CRTAC1: variants seen among roughly 807,000 people sequenced by gnomAD.
CRTAC1 encodes acidic secreted protein in cartilage.
In CRTAC1, 37 loss-of-function variants were observed where a neutral mutation model predicts 67.8. The observed-to-expected ratio is 0.55, with a 90% confidence interval of 0.42 to 0.72. The LOEUF is 0.72. Among genes scored for constraint, CRTAC1 ranks in the 30% least tolerant of loss-of-function variants. CRTAC1 has a pLI of 0.00. For synonymous variants in CRTAC1, 348 were observed against 371.0 expected (o/e 0.94, Z 0.71); for missense variants, 780 against 931.6 (o/e 0.84, Z 2.12).
intron 11 of CRTAC1, 200 bp from the exon 12 acceptor site, chr10:97,884,551 A>C: frequency 5.0e-6 from 3 of 596,562 alleles, no homozygotes; most frequent in Non-Finnish European, 8.9e-6. Context: ...TCTGTCTGCA[A>C]GGACAGAAAT....
intron 12 of CRTAC1, among the ~76,000 whole-genome samples, chr10:97,883,730 G>C (rs945867934): frequency 3.3e-5 from 5 of 152,202 alleles, no homozygotes; most frequent in Non-Finnish European, 7.3e-5. Context: ...ATCAGAGTTG[G>C]AACGACACTG....
rs1404086051 is a variant in CRTAC1 at position 97,895,405 on chromosome 10, G to C, written c.1326C>G (p.Asn442Lys). The change falls in exon 11 of 15, where the codon AAC (asparagine) becomes AAG (lysine). Residue 442 changes from asparagine to lysine, a missense_variant. Asn to Lys is a moderately conservative substitution (Grantham distance 94). Transcript: ENST00000370597. This position sits in a 1 kb window ranked among gnomAD's most constrained non-coding sequence, Gnocchi z 4.2. ...GTGGCACCACTCGCAGCCAGTTGTT[G>C]TTGAAGCCCTGCAGAGAGGGTGAGA... ...LSVFRGNQGF[N>K]NNWLRVVPRT... 1.2e-6 allele frequency: 2 copies of C among 1,603,678 alleles called. No individual in the cohort carries two copies. Among genetic ancestry groups the C allele is most frequent in the East Asian group, 4.5e-5 (2 of 44,668 alleles).
chr10:97,972,245 G>A (rs1438311059), intron 2 of CRTAC1, among the ~76,000 whole-genome samples: 1 of 152,192 alleles, frequency 6.6e-6, no homozygotes, highest in Non-Finnish European at 1.5e-5. Context: ...AGTCAGGAGG[G>A]CAGTCCTCTG....
At chr10:97,956,340 A>G (rs1334931137) in intron 2 of CRTAC1, among the ~76,000 whole-genome samples, 1 of 152,196 alleles carries the variant, frequency 6.6e-6, no homozygotes, top group Non-Finnish European at 1.5e-5. Flanking sequence ...TAAGAGCTCA[A>G]GTGACTTCCC....
intron 11 of CRTAC1, among the ~76,000 whole-genome samples, chr10:97,894,890 G>A (rs1302773624): frequency 6.6e-6 from 1 of 150,686 alleles, no homozygotes; most frequent in Non-Finnish European, 1.5e-5. Context: ...CAGCTCCCAA[G>A]AGGCCAGGGA....
intron 1 of CRTAC1, among the ~76,000 whole-genome samples, chr10:98,014,082 G>A (rs1428224053): frequency 6.6e-6 from 1 of 152,208 alleles, no homozygotes; most frequent in Non-Finnish European, 1.5e-5. Flanking sequence ...TTGGGCAATG[G>A]TTACGGTGAG....
rs17108821 is a variant in CRTAC1, at chr10:98,012,995, G to A, written c.25-1658C>T. The stretch of plus-strand genomic sequence containing the variant: ...TGGCAGGAACTTTGATTGGATAAAG[G>A]AAACTCATAATTGGATTAATGAGCA... On this transcript the variant is annotated intron_variant, in intron 1 of 14. Coordinates refer to ENST00000370597, the MANE Select transcript of CRTAC1 (RefSeq NM_018058.7). 4.1e-3 allele frequency among the ~76,000 whole-genome samples: 622 copies of A among 152,332 alleles called. 30 individuals carry two copies. The East Asian group carries it at 0.098, about 24-fold the overall frequency.
chr10:97,996,258 C>G lies in CRTAC1; in HGVS notation c.224+14880G>C, dbSNP rs376745291. Among the ~76,000 whole-genome samples the G allele has an allele frequency of 3.2e-4, 49 of 151,698 alleles. 1 individual carries two copies. The South Asian group carries it at 0.01, about 32-fold the overall frequency. On this transcript the variant is annotated intron_variant, in intron 2 of 14. Coordinates refer to ENST00000370597, the MANE Select transcript of CRTAC1 (RefSeq NM_018058.7). ...GGGATCTAATTAAACTCAAGAGCTTCTGCACAGCAAAAGAAACTACCATCA... is the reference window on the plus strand; with the variant it reads ...GGGATCTAATTAAACTCAAGAGCTTGTGCACAGCAAAAGAAACTACCATCA...
chr10:98,011,051 A>C, intron 2 of CRTAC1, 87 bp downstream of exon 2: 1 of 1,146,190 alleles, frequency 8.7e-7, no homozygotes, highest in Admixed American at 1.8e-5. Context: ...ATGTTGTTGC[A>C]AGTCACTGGG....
intron 3 of CRTAC1, among the ~76,000 whole-genome samples, chr10:97,929,710 T>C (rs1296470212): frequency 1.3e-5 from 2 of 152,180 alleles, no homozygotes; most frequent in Non-Finnish European, 2.9e-5. Flanking sequence ...AATTAGATAA[T>C]GTATGTAAAG....
At chr10:98,023,703 G>T (rs1843167558) in intron 1 of CRTAC1, among the ~76,000 whole-genome samples, 1 of 152,192 alleles carries the variant, frequency 6.6e-6, no homozygotes, top group African/African-American at 2.4e-5. Flanking sequence ...CTGCCACCCA[G>T]CTCCTCTGAT....
chr10:97,944,707 G>A (rs1342428333), intron 2 of CRTAC1, among the ~76,000 whole-genome samples: 2 of 152,208 alleles, frequency 1.3e-5, no homozygotes, highest in Non-Finnish European at 2.9e-5. Flanking sequence ...GACGGTGGAA[G>A]TGATGTTGGA....
rs527874048 is a variant in CRTAC1, at chr10:97,963,863, C to T, written c.225-27497G>A. Among the ~76,000 whole-genome samples the T allele has an allele frequency of 6.6e-5, 10 of 152,320 alleles. No individual in the cohort carries two copies. The South Asian group carries it at 1.2e-3, about 19-fold the overall frequency. Reference sequence around the variant, plus strand: ...CCTTTTACAGAAGAAGAAATTGAGGCTCGGAGAGGTTGTGTAACTTGTGTA... The same window carrying T: ...CCTTTTACAGAAGAAGAAATTGAGGTTCGGAGAGGTTGTGTAACTTGTGTA... On this transcript the variant is annotated intron_variant, in intron 2 of 14. Transcript: ENST00000370597.
At chr10:97,991,778 A>G (rs1396350166) in intron 2 of CRTAC1, among the ~76,000 whole-genome samples, 2 of 152,160 alleles carry the variant, frequency 1.3e-5, no homozygotes, top group Non-Finnish European at 2.9e-5. Context: ...TCTTCTTTTT[A>G]CTTCCTGGTT....
At chr10:97,915,540 G>A (rs2050746520) in intron 5 of CRTAC1, among the ~76,000 whole-genome samples, 1 of 152,150 alleles carries the variant, frequency 6.6e-6, no homozygotes, top group East Asian at 1.9e-4. Flanking sequence ...CAGTGGTGCT[G>A]AGCGCTGGCC....
intron 2 of CRTAC1, among the ~76,000 whole-genome samples, chr10:97,968,713 C>T (rs538507786): frequency 6.8e-4 from 103 of 152,298 alleles, no homozygotes; most frequent in African/African-American, 2.4e-3. Flanking sequence ...GATGGCCACC[C>T]TACTGCAGGA....
At chr10:97,959,022 G>A (rs1035688697) in intron 2 of CRTAC1, among the ~76,000 whole-genome samples, 16 of 152,164 alleles carry the variant, frequency 1.1e-4, no homozygotes, top group Non-Finnish European at 5.9e-5. Flanking sequence ...CAGCAGCAGC[G>A]ACTGTGAAAG....
At chr10:97,913,820 C>T (rs1195817366) in intron 5 of CRTAC1, among the ~76,000 whole-genome samples, 3 of 152,190 alleles carry the variant, frequency 2.0e-5, no homozygotes, top group African/African-American at 7.2e-5. Flanking sequence ...CTAGGAGGCC[C>T]CTTGGCCCCC....
chr10:97,974,434 G>C (rs10509715), intron 2 of CRTAC1, among the ~76,000 whole-genome samples: 11,393 of 152,254 alleles, frequency 0.075, 1,373 homozygotes, highest in African/African-American at 0.25. Flanking sequence ...CTGCTTACAA[G>C]TTAGGAAAAA....
Sources: allele counts gnomAD v4.1 joint callset (sites outside exome capture counted in the v4.1 genomes callset), GRCh38; gene constraint gnomAD v4.1.1; non-coding constraint Gnocchi (gnomAD v3.1); transcripts MANE v1.5; gene names NCBI Gene and HGNC (gene_info 2026-07-23, HGNC 2026-07-21).